Variants in MIAT observed in about 807,000 individuals in gnomAD.
MIAT encodes the protein myocardial infarction associated transcript.
At chr22:26,647,768 G>A (rs1339119437) in intron 2 of MIAT, among the ~76,000 whole-genome samples, 1 of 152,102 alleles carries the variant, frequency 6.6e-6, no homozygotes, top group Non-Finnish European at 1.5e-5. Context: ...CAGACTGGGG[G>A]GAAGCCCAGT....
downstream of MIAT, chr22:26,670,602 T>A (rs1405897734): frequency 1.3e-5 from 4 of 310,530 alleles, no homozygotes; most frequent in Non-Finnish European, 1.6e-5. Context: ...CATTGCTCCT[T>A]AAAAAAAAAA....
exon 1 of MIAT, chr22:26,646,487 A>G: frequency 2.5e-6 from 1 of 398,936 alleles, no homozygotes; most frequent in Non-Finnish European, 4.4e-6. Flanking sequence ...GTTGCTGACC[A>G]GGTGGAAGAT....
intron 2 of MIAT, chr22:26,657,635 C>T: frequency 2.5e-6 from 1 of 398,770 alleles, no homozygotes. Context: ...GCACTAGCGC[C>T]GCAGGACCGC....
intron 5 of MIAT, chr22:26,668,018 C>G (rs1219028117): frequency 2.5e-6 from 1 of 397,214 alleles, no homozygotes; most frequent in Non-Finnish European, 4.4e-6. Flanking sequence ...CACTTCCACC[C>G]TGTGTGTGTG....
chr22:26,648,358 G>A (rs924028833), intron 2 of MIAT, among the ~76,000 whole-genome samples: 7 of 152,158 alleles, frequency 4.6e-5, no homozygotes, highest in Non-Finnish European at 7.4e-5. Flanking sequence ...GGCCCTGCAC[G>A]CACGTAGGCA....
downstream of MIAT, chr22:26,672,807 C>A (rs1931101203): frequency 2.5e-6 from 1 of 398,652 alleles, no homozygotes; most frequent in South Asian, 1.3e-4. Flanking sequence ...ACGCTAAAAA[C>A]CACTGAGTGG....
chr22:26,662,588 T>C (rs1015209152), intron 2 of MIAT, among the ~76,000 whole-genome samples: 1 of 152,226 alleles, frequency 6.6e-6, no homozygotes, highest in African/African-American at 2.4e-5. Context: ...TTAATTCTCC[T>C]CTGCAGAAGC....
intron 2 of MIAT, chr22:26,658,159 G>A (rs1358631188): frequency 1.7e-5 from 2 of 117,322 alleles, no homozygotes; most frequent in African/African-American, 7.0e-5. Flanking sequence ...AACCCCCCGA[G>A]CCTGCCATTC....
intron 2 of MIAT, among the ~76,000 whole-genome samples, chr22:26,662,015 G>A (rs536451257): frequency 2.1e-4 from 31 of 145,642 alleles, no homozygotes; most frequent in African/African-American, 7.2e-4. Flanking sequence ...GGAATGCAGT[G>A]GAGCAATCGC....
exon 4 of MIAT, chr22:26,666,181 G>C (rs1432859648): frequency 7.5e-6 from 3 of 398,544 alleles, no homozygotes; most frequent in Non-Finnish European, 1.3e-5. Flanking sequence ...CCTGACTCAG[G>C]TCTGCCAGTT....
chr22:26,662,607 C>A (rs529236816), intron 2 of MIAT, among the ~76,000 whole-genome samples: 4 of 152,188 alleles, frequency 2.6e-5, no homozygotes, highest in Non-Finnish European at 4.4e-5. Context: ...GCATCTGCTT[C>A]CCCCAGCATG....
intron 2 of MIAT, among the ~76,000 whole-genome samples, chr22:26,652,512 A>G (rs1364301671): frequency 6.6e-6 from 1 of 151,956 alleles, no homozygotes; most frequent in Non-Finnish European, 1.5e-5. Flanking sequence ...CGCCGCCACC[A>G]TGACCGGCTA....
exon 5 of MIAT, chr22:26,675,353 C>G (rs1049068960): frequency 5.0e-6 from 2 of 398,660 alleles, no homozygotes; most frequent in Non-Finnish European, 4.4e-6. Context: ...GTCTGGTTGC[C>G]AAGAAGTTTA....
chr22:26,670,058 T>TTTTA, downstream of MIAT: 1 of 346,610 alleles, frequency 2.9e-6, no homozygotes. Flanking sequence ...GTTTATCTAT[T>TTTTA]TTTTTTTTTT....
chr22:26,663,543 A>G, intron 3 of MIAT: 1 of 392,820 alleles, frequency 2.5e-6, no homozygotes, highest in Non-Finnish European at 4.5e-6. Flanking sequence ...TCTGGGTTCC[A>G]GTTCCCCAAT....
exon 1 of MIAT, chr22:26,646,801 T>C (rs1458009388): frequency 2.5e-6 from 1 of 398,566 alleles, no homozygotes; most frequent in Non-Finnish European, 4.4e-6. Flanking sequence ...GTGTTGTTTG[T>C]ACTATGAGGA....
intron 5 of MIAT, chr22:26,667,333 A>AGTGTGTGTGTGTGTGTGTGTGT (rs61442362): frequency 7.6e-4 from 297 of 390,820 alleles, no homozygotes; most frequent in African/African-American, 5.5e-3. Flanking sequence ...TCCTGGGAGC[A>AGTGTGTGTGTGTGTGTGTGTGT]GTGTGTGTGT....
At chr22:26,652,581 C>T (rs1287545632) in intron 2 of MIAT, among the ~76,000 whole-genome samples, 1 of 152,154 alleles carries the variant, frequency 6.6e-6, no homozygotes, top group Non-Finnish European at 1.5e-5. Flanking sequence ...TGGTCTCAAA[C>T]TCCTGATCTT....
At chr22:26,646,777 T>C (rs1450383343) in exon 1 of MIAT, 1 of 398,578 alleles carries the variant, frequency 2.5e-6, no homozygotes, top group African/African-American at 2.1e-5. Flanking sequence ...CTTAGTGCTT[T>C]CCCCAAGAGC....
Sources: gnomAD v4.1 joint callset for allele counts (sites outside exome capture counted in the v4.1 genomes callset) on GRCh38, gnomAD v4.1.1 for gene constraint, MANE v1.5 for transcripts, NCBI Gene and HGNC (gene_info 2026-07-23, HGNC 2026-07-21) for gene names.